The following MID1 variants were observed in gnomAD, a reference collection of about 807,000 sequenced individuals.
MID1 encodes E3 ubiquitin-protein ligase Midline-1.
MID1 carries 7 observed loss-of-function variants against 40.4 expected under a neutral mutation model. The ratio of observed to expected loss-of-function variants is 0.17; its 90% CI spans 0.10 to 0.33. The LOEUF (loss-of-function observed/expected upper bound fraction) is 0.33, where lower values mean the gene tolerates loss of function less well. MID1 is among the 10% of genes least tolerant of loss of function. MID1 has a pLI of 1.00. For synonymous variants in MID1, 229 were observed against 221.2 expected, an observed-to-expected ratio of 1.04 and a Z score of -0.31; for missense variants, 367 against 558.5, an observed-to-expected ratio of 0.66 and a Z score of 3.46.
At chrX:10,730,262 CAAG>C (rs1449993151) in intron 1 of MID1, among the ~76,000 whole-genome samples, 2 of 110,133 alleles carry the variant, frequency 1.8e-5, no homozygotes, top group African/African-American at 3.3e-5. Flanking sequence ...CTGTATATGA[CAAG>C]AAGAATATGA....
intron 1 of MID1, among the ~76,000 whole-genome samples, chrX:10,832,219 G>A: frequency 8.9e-6 from 1 of 112,388 alleles, no homozygotes; most frequent in Non-Finnish European, 1.9e-5. Flanking sequence ...CATTTAAACT[G>A]TGTCCTTGCG....
chrX:10,460,949 G>GA (rs1330785550), intron 7 of MID1, among the ~76,000 whole-genome samples: 1 of 110,664 alleles, frequency 9.0e-6, no homozygotes, highest in Non-Finnish European at 1.9e-5. Context: ...GCCTGTCTTT[G>GA]AATCTTACTG....
chrX:10,733,152 G>A (rs1318386988), intron 1 of MID1, among the ~76,000 whole-genome samples: 3 of 111,602 alleles, frequency 2.7e-5, no homozygotes, highest in African/African-American at 9.8e-5. Context: ...GTGAGCCACC[G>A]CGCCCGGCCG....
Position 10,527,864 on chromosome X carries a change from C to G in MID1, c.661-4677G>C, listed in dbSNP as rs186810911. Among the ~76,000 whole-genome samples, 633 of 111,472 alleles carry G rather than the reference C, an allele frequency of 5.7e-3. 5 individuals are homozygous for G. Among genetic ancestry groups the G allele is most frequent in the African/African-American group, 0.02 (600 of 30,694 alleles). Reference sequence around the variant, plus strand: ...ATTAACCCTCTTTCCTCTTCAATCTCTTCCCTGTTTGCATCCCCTCTCCCT... The same window carrying G: ...ATTAACCCTCTTTCCTCTTCAATCTGTTCCCTGTTTGCATCCCCTCTCCCT... On this transcript the variant is annotated intron_variant, in intron 2 of 9. Coordinates refer to ENST00000317552, the MANE Select transcript of MID1 (RefSeq NM_000381.4).
intron 1 of MID1, among the ~76,000 whole-genome samples, chrX:10,590,397 G>A (rs1443005490): frequency 9.0e-6 from 1 of 111,598 alleles, no homozygotes; most frequent in Non-Finnish European, 1.9e-5. Context: ...AGAAGAGCTT[G>A]GGAAGTCTGG....
chrX:10,576,744 C>T (rs1259337507), intron 1 of MID1: 1 of 110,994 alleles, frequency 9.0e-6, no homozygotes, highest in Non-Finnish European at 1.9e-5. Flanking sequence ...CTTTGAGCAC[C>T]TCTCTAGATT....
chrX:10,792,170 A>C (rs984379904), intron 1 of MID1, among the ~76,000 whole-genome samples: 37 of 112,283 alleles, frequency 3.3e-4, no homozygotes, highest in African/African-American at 1.2e-3. Flanking sequence ...GTAAAACCAG[A>C]CATAGACAAT....
chrX:10,602,221 C>T (rs866214595), intron 1 of MID1, among the ~76,000 whole-genome samples: 4 of 86,264 alleles, frequency 4.6e-5, no homozygotes, highest in African/African-American at 2.0e-4. Flanking sequence ...CAAATAGTTT[C>T]TGACTTTTTT....
chrX:10,618,114 G>T (rs1204047671), intron 1 of MID1, among the ~76,000 whole-genome samples: 1 of 111,972 alleles, frequency 8.9e-6, no homozygotes, highest in African/African-American at 3.2e-5. Flanking sequence ...GGCAGGCAGG[G>T]GTCTCTTCTG....
upstream of MID1, among the ~76,000 whole-genome samples, chrX:10,623,820 C>T (rs780406749): frequency 1.8e-5 from 2 of 111,702 alleles, no homozygotes; most frequent in South Asian, 7.5e-4. Flanking sequence ...TGGACAGTGC[C>T]CAGTACAAGT....
At chrX:10,500,728 C>T (rs1377647907) in intron 3 of MID1, among the ~76,000 whole-genome samples, 1 of 111,785 alleles carries the variant, frequency 8.9e-6, no homozygotes, top group Non-Finnish European at 1.9e-5. Flanking sequence ...GCTAGCAGCT[C>T]CTGGTTATGA....
intron 1 of MID1, among the ~76,000 whole-genome samples, chrX:10,806,546 A>G (rs1166956036): frequency 8.9e-6 from 1 of 112,014 alleles, no homozygotes; most frequent in African/African-American, 3.2e-5. Context: ...TTGATGACTG[A>G]CATGCTCTTT....
intron 1 of MID1, among the ~76,000 whole-genome samples, chrX:10,731,725 G>A (rs763348039): frequency 8.1e-5 from 9 of 110,436 alleles, no homozygotes; most frequent in Non-Finnish European, 1.3e-4. Context: ...TGGGAGGCCC[G>A]AAGCAGGCAG....
chrX:10,549,681 T>C (rs1933832496), intron 2 of MID1, among the ~76,000 whole-genome samples: 1 of 113,121 alleles, frequency 8.8e-6, no homozygotes, highest in South Asian at 3.6e-4. Context: ...TTCCACCAAG[T>C]TTGCACATTA....
intron 5 of MID1, among the ~76,000 whole-genome samples, chrX:10,480,828 A>G (rs73492972): frequency 0.028 from 3,149 of 111,915 alleles, 87 homozygotes; most frequent in African/African-American, 0.098. Flanking sequence ...AGTCAAGCCG[A>G]TTGGACAGTA....
intron 1 of MID1, among the ~76,000 whole-genome samples, chrX:10,715,281 A>T (rs1206111819): frequency 8.9e-6 from 1 of 112,207 alleles, no homozygotes; most frequent in African/African-American, 3.2e-5. Context: ...GGGGTTGGGG[A>T]ATTCCCTTTC....
intron 1 of MID1, among the ~76,000 whole-genome samples, chrX:10,775,884 CACAA>C (rs2043799644): frequency 9.0e-6 from 1 of 111,681 alleles, no homozygotes; most frequent in Non-Finnish European, 1.9e-5. Flanking sequence ...CAGGTTCCTA[CACAA>C]ACAGCTCCTG....
At chrX:10,491,002 T>C (rs1361341869) in intron 4 of MID1, among the ~76,000 whole-genome samples, 1 of 112,101 alleles carries the variant, frequency 8.9e-6, no homozygotes, top group Non-Finnish European at 1.9e-5. Flanking sequence ...TATTTGTTTA[T>C]GGGGCCCCAC....
At chrX:10,657,216 C>T (rs1313012432) in intron 1 of MID1, among the ~76,000 whole-genome samples, 1 of 111,064 alleles carries the variant, frequency 9.0e-6, no homozygotes, top group East Asian at 2.8e-4. Flanking sequence ...GATTAAGCTT[C>T]AGTGCCCACA....
Sources: allele counts gnomAD v4.1 joint callset (sites outside exome capture counted in the v4.1 genomes callset), GRCh38; gene constraint gnomAD v4.1.1; transcripts MANE v1.5; gene names NCBI Gene and HGNC (gene_info 2026-07-23, HGNC 2026-07-21).